Variants in HHIPL2 observed in about 807,000 individuals in gnomAD.
HHIPL2 encodes the protein HHIP like 2.
HHIPL2 carries 61 observed loss-of-function variants against 61.0 expected under a neutral mutation model. The ratio of observed to expected loss-of-function variants is 1.00; its 90% CI spans 0.81 to 1.24. The LOEUF (loss-of-function observed/expected upper bound fraction) is 1.24. Among genes scored for constraint, HHIPL2 ranks in the 50% most tolerant of loss-of-function variants. The pLI is 0.00. For missense variants in HHIPL2, 885 were observed against 910.2 expected (o/e 0.97, Z 0.36); for synonymous variants, 343 against 357.4 (o/e 0.96, Z 0.45).
In HHIPL2 at chr1:222,522,671, C is replaced by T. The variant is rs867570377; in HGVS notation, c.2105G>A (p.Ser702Asn). 2.7e-5 allele frequency: 44 copies of T among 1,614,104 alleles called. No individual in the cohort carries two copies. The highest frequency in any genetic ancestry group is 3.6e-5 in the Non-Finnish European group (42 of 1,180,042). Reference sequence around the variant, plus strand: ...CATCCTGCCACTGTGGCTTTTCAGGCTCTTCCTCCTCTTGCCCTGGCGGAC... The same window carrying T: ...CATCCTGCCACTGTGGCTTTTCAGGTTCTTCCTCCTCTTGCCCTGGCGGAC... The part of the protein sequence containing the change: ...PHVRQGKRRK[S>N]LKSHSGRMRP... Residue 702 changes from serine (S) to asparagine (N), a missense_variant, in exon 9 of 9, where the codon AGC becomes AAC. By Grantham distance (46) the Ser-to-Asn change is conservative. Coordinates refer to ENST00000343410, the MANE Select transcript of HHIPL2 (RefSeq NM_024746.4).
chr1:222,525,251 G>A (rs1659034800), intron 7 of HHIPL2: 1 of 152,124 alleles, frequency 6.6e-6, no homozygotes. Flanking sequence ...GATTCACATA[G>A]GAAGCCTGTT....
intron 7 of HHIPL2, among the ~76,000 whole-genome samples, chr1:222,525,936 T>C (rs1168601654): frequency 6.6e-6 from 1 of 151,940 alleles, no homozygotes; most frequent in African/African-American, 2.4e-5. Flanking sequence ...GAGGCAGAGG[T>C]TGCAGTGAGC....
chr1:222,529,097 C>T (rs1042083905), intron 6 of HHIPL2, among the ~76,000 whole-genome samples: 1 of 152,186 alleles, frequency 6.6e-6, no homozygotes, highest in Non-Finnish European at 1.5e-5. Flanking sequence ...AGTAGGATTA[C>T]AGGCATGAGC....
At position 222,522,719 on chromosome 1, in the gene HHIPL2, T is replaced by C. The variant is rs1191968466; in HGVS notation, c.2057A>G (p.Lys686Arg). Reference sequence around the variant, plus strand: ...GACGTGGGGCCCCACTCTGGCTTTCTTCTTTGTACCAGGCCCTCGCAATGT... The same window carrying C: ...GACGTGGGGCCCCACTCTGGCTTTCCTCTTTGTACCAGGCCCTCGCAATGT... ...KNTLRGPGTK[K>R]KARVGPHVRQ... The change falls in exon 9 of 9, where the codon AAG becomes AGG. Residue 686 changes from lysine (K) to arginine (R), a missense_variant. Lys to Arg is a conservative substitution (Grantham distance 26). Coordinates refer to ENST00000343410, the MANE Select transcript of HHIPL2 (RefSeq NM_024746.4). The C allele has an allele frequency of 1.2e-6, 2 of 1,614,190 alleles. No individual in the cohort carries two copies. The highest frequency in any genetic ancestry group is 1.7e-6 in the Non-Finnish European group (2 of 1,180,042).
chr1:222,547,915 G>C lies in HHIPL2; in HGVS notation c.130C>G (p.Gln44Glu). The C allele has an allele frequency of 6.2e-7, 1 of 1,613,064 alleles. No individual in the cohort carries two copies. Among genetic ancestry groups the C allele is most frequent in the East Asian group, 2.2e-5 (1 of 44,854 alleles). ...GQVGLLQGHP[Q>E]CLDYGPPFQP... ...AAAGGGGGCCCGTAATCCAGGCACT[G>C]GGGGTGTCCCTGCAGCAAGCCCACC... The change falls in exon 1 of 9, where the codon CAG (glutamine) becomes GAG (glutamate). Residue 44 changes from glutamine (Q) to glutamate (E), a missense_variant. By Grantham distance (29) the Gln-to-Glu change is conservative (BLOSUM62 2). Coordinates refer to ENST00000343410, the MANE Select transcript of HHIPL2 (RefSeq NM_024746.4).
Position 222,523,619 on chromosome 1 carries a change from T to C in HHIPL2, c.1881A>G (p.Pro627=), listed in dbSNP as rs772032347. The part of the protein sequence containing the change: ...RTKSKRIPFR[P]LAKTVLDLLK... The stretch of plus-strand genomic sequence containing the variant: ...ACTCAAAGATGGACTCACTGGCGAG[T>C]GGTCTGAACGGGATCCGCTTACTCT... Residue 627 remains proline, a synonymous_variant, in exon 8 of 9, where the codon CCA becomes CCG. Coordinates refer to ENST00000343410, the MANE Select transcript of HHIPL2 (RefSeq NM_024746.4). 7 of 1,613,900 alleles carry C rather than the reference T, an allele frequency of 4.3e-6. No homozygotes were observed. The South Asian group carries it at 6.6e-5, about 15-fold the overall frequency.
At position 222,544,175 on chromosome 1, in the gene HHIPL2, G is replaced by C. The variant is rs376894621; in HGVS notation, c.336C>G (p.Tyr112Ter). The C allele has an allele frequency of 1.9e-6, 3 of 1,612,134 alleles. No individual in the cohort carries two copies. The highest frequency in any genetic ancestry group is 2.5e-6 in the Non-Finnish European group (3 of 1,179,844). Reference protein sequence around the residue: ...KDILCQECSPYAAHLYDAENT... With the variant: ...KDILCQECSP ...TTTCGGCGTCGTAGAGGTGGGCTGC[G>C]TAGGGCGAGCACTCCTAAAAAAGAA... The change falls in exon 2 of 9, where the codon TAC (tyrosine) becomes TAG (stop). Residue 112 changes from tyrosine to a stop codon, truncating the protein, a stop_gained. Transcript: ENST00000343410. LOFTEE classifies it high-confidence loss of function.
Position 222,540,181 on chromosome 1 carries a change from C to T in HHIPL2, c.1279G>A (p.Asp427Asn). 6.2e-7 allele frequency: 1 copy of T among 1,614,278 alleles called. No homozygotes were observed. The highest frequency in any genetic ancestry group is 8.5e-7 in the Non-Finnish European group (1 of 1,180,052). The stretch of plus-strand genomic sequence containing the variant: ...TGGCGCGTGATGGGGTCCCCTCGGT[C>T]CACAGCACAACGCCACATGTTCCTG... The part of the protein sequence containing the change: ...GIRNMWRCAV[D>N]RGDPITRQGR... The change falls in exon 4 of 9, where the codon GAC becomes AAC. Residue 427 changes from aspartate (D) to asparagine (N), a missense_variant. Physicochemically the swap from Asp to Asn is conservative, Grantham distance 23. Coordinates refer to ENST00000343410, the MANE Select transcript of HHIPL2 (RefSeq NM_024746.4).
intron 2 of HHIPL2, among the ~76,000 whole-genome samples, chr1:222,542,877 A>G (rs773993487): frequency 1.8e-4 from 28 of 152,118 alleles, no homozygotes; most frequent in Admixed American, 3.3e-4. Context: ...CAGGGTAACA[A>G]CCATCCTTTT....
In HHIPL2 at chr1:222,522,303, T is replaced by A. The variant is rs1658969079; in HGVS notation, c.*298A>T. 1 of 406,192 alleles carries A rather than the reference T, an allele frequency of 2.5e-6. No homozygotes were observed. Among genetic ancestry groups the A allele is most frequent in the East Asian group, 4.0e-5 (1 of 25,028 alleles). The allele number at this position is 406,192 out of a possible 1,614,324, so 25.2% of individuals were successfully genotyped here. A position where few individuals can be genotyped will look rare whatever the true frequency, so the allele number is the denominator to read the frequency against. On this transcript the variant is annotated 3_prime_UTR_variant, in exon 9 of 9. Coordinates refer to ENST00000343410, the MANE Select transcript of HHIPL2 (RefSeq NM_024746.4). ...GATTTATTACCTCAGGTTGTAGGCA[T>A]TTACAAGACAAAACGGAGACATCCA...
At position 222,548,015 on chromosome 1, in the gene HHIPL2, A is replaced by C; in HGVS notation, c.30T>G (p.Cys10Trp). MLRTSTPNL[C>W]GGLHCRAPWL... ...AGGGGGCCCGGCAATGCAGACCACC[A>C]CACAGATTAGGAGTGGACGTTCTCA... The change falls in exon 1 of 9, where the codon TGT becomes TGG. Residue 10 changes from cysteine (C) to tryptophan (W), a missense_variant. Cys to Trp is a radical substitution (Grantham distance 215). Transcript: ENST00000343410. The C allele has an allele frequency of 6.3e-7, 1 of 1,593,832 alleles. No homozygotes were observed. The highest frequency in any genetic ancestry group is 1.1e-5 in the South Asian group (1 of 87,346).
At chr1:222,547,280 A>G (rs933682341) in intron 1 of HHIPL2, among the ~76,000 whole-genome samples, 1 of 152,158 alleles carries the variant, frequency 6.6e-6, no homozygotes, top group African/African-American at 2.4e-5. Flanking sequence ...GCCCTGGCAC[A>G]AATCACCCAG....
At chr1:222,528,236 G>A (rs1277033797) in intron 6 of HHIPL2, among the ~76,000 whole-genome samples, 1 of 152,170 alleles carries the variant, frequency 6.6e-6, no homozygotes. Flanking sequence ...CACCTGCACA[G>A]CCCTCGAGAT....
Position 222,522,480 on chromosome 1 carries a change from G to A in HHIPL2, c.*121C>T, listed in dbSNP as rs1487363902. On this transcript the variant is annotated 3_prime_UTR_variant, in exon 9 of 9. Transcript: ENST00000343410. The stretch of plus-strand genomic sequence containing the variant: ...AAGATTTCCCAGGGAGAGGAAAACC[G>A]CCCTGCCCCACCTCTACCCTGGCTT... 12 of 1,037,822 alleles carry A rather than the reference G, an allele frequency of 1.2e-5. No individual in the cohort carries two copies. The highest frequency in any genetic ancestry group is 3.2e-5 in the African/African-American group (2 of 62,604). 64.3% of individuals were successfully genotyped at this position (1,037,822 alleles called of 1,614,324 possible).
chr1:222,543,897 A>G lies in HHIPL2; in HGVS notation c.614T>C (p.Leu205Pro), dbSNP rs1430730395. 1 of 1,614,196 alleles carries G rather than the reference A, an allele frequency of 6.2e-7. No individual in the cohort carries two copies. The highest frequency in any genetic ancestry group is 8.5e-7 in the Non-Finnish European group (1 of 1,180,030). ...GGCCACCTCGCTCAGGCAGAGCTGC[A>G]GGCAGCCCTGAGGATCTTGGGCCAC... ...GMVAQDPQGC[L>P]QLCLSEVANG... The change falls in exon 2 of 9, where the codon CTG (leucine) becomes CCG (proline). Residue 205 changes from leucine to proline, a missense_variant. Transcript: ENST00000343410.
At chr1:222,538,195 GGTGTGTGTGTGTGTGTGTGTGTGTGT>G (rs373452655) in intron 5 of HHIPL2, among the ~76,000 whole-genome samples, 4 of 136,274 alleles carry the variant, frequency 2.9e-5, no homozygotes, top group Non-Finnish European at 3.2e-5. Context: ...CTCTGGCTGG[GGTGTGTGTGTGTGTGTGTGTGTGTGT>G]GTGTGTGTGT....
At chr1:222,526,264 G>A (rs1659061753) in intron 7 of HHIPL2, among the ~76,000 whole-genome samples, 2 of 152,156 alleles carry the variant, frequency 1.3e-5, no homozygotes, top group Admixed American at 1.3e-4. Flanking sequence ...TAGAGCTATT[G>A]AGGAACCTGC....
intron 5 of HHIPL2, among the ~76,000 whole-genome samples, chr1:222,535,399 T>A (rs928775694): frequency 6.6e-6 from 1 of 152,168 alleles, no homozygotes. Flanking sequence ...TTAGGAATGA[T>A]AACATTCTTA....
rs142197988 is a variant in HHIPL2 at position 222,543,602 on chromosome 1, C to T, written c.909G>A (p.Lys303=). 3 of 1,614,182 alleles carry T rather than the reference C, an allele frequency of 1.9e-6. No homozygotes were observed. The African/African-American group carries it at 4.0e-5, about 22-fold the overall frequency. The change falls in exon 2 of 9, where the codon AAG becomes AAA. Residue 303 remains lysine (K), a synonymous_variant. Transcript: ENST00000343410. ...YSCLDKKKVE[K]IRISEMKVSR... ...AAACCTTCATCTCACTAATTCGGATCTTTTCTACCTTCTTCTTGTCCAGGC... is the reference window on the plus strand; with the variant it reads ...AAACCTTCATCTCACTAATTCGGATTTTTTCTACCTTCTTCTTGTCCAGGC...
Sources: gnomAD v4.1 joint callset for allele counts (sites outside exome capture counted in the v4.1 genomes callset) on GRCh38, gnomAD v4.1.1 for gene constraint, MANE v1.5 for transcripts, NCBI Gene and HGNC (gene_info 2026-07-23, HGNC 2026-07-21) for gene names.